Variants in CD5 observed in about 807,000 individuals in gnomAD.
CD5 encodes CD5 molecule, also known as T-cell surface glycoprotein CD5.
A neutral mutation model predicts 60.3 loss-of-function variants in CD5; 36 were observed. The observed-to-expected ratio is 0.60, with a 90% CI of 0.46 to 0.79. The LOEUF is 0.79. Ranked by LOEUF, CD5 falls within the 30% of genes least tolerant of loss-of-function variation. CD5 has a pLI of 0.00. For synonymous variants in CD5, 230 were observed against 257.6 expected (o/e 0.89, Z 1.03); for missense variants, 540 against 630.6 (o/e 0.86, Z 1.54).
At chr11:61,123,159 C>A in intron 7 of CD5, 127 bp downstream of exon 7, 1 of 1,063,624 alleles carries the variant, frequency 9.4e-7, no homozygotes, top group Non-Finnish European at 1.3e-6. Context: ...TGCTTCACCA[C>A]CCAGCCTTCC....
At chr11:61,099,394 ACAT>A (rs1565180545), upstream of CD5, among the ~76,000 whole-genome samples, 1 of 133,876 alleles carries the variant, frequency 7.5e-6, no homozygotes, top group Non-Finnish European at 1.6e-5. Context: ...TCACACACAC[ACAT>A]CAACATGGAA....
chr11:61,119,849 G>A lies in CD5; in HGVS notation c.805+274G>A, dbSNP rs145901634. 8.2e-4 allele frequency among the ~76,000 whole-genome samples: 125 copies of A among 152,322 alleles called. 1 individual carries two copies. The Middle Eastern group carries it at 0.01, about 12-fold the overall frequency. ...GCCACATGGGGAAGGGGAGTCGGCA[G>A]GACTTCCAGGAGGAGGCAAGGTCTC... On this transcript the variant is annotated intron_variant, in intron 5 of 10. Coordinates refer to ENST00000347785, the MANE Select transcript of CD5 (RefSeq NM_014207.4).
the CD5 span, among the ~76,000 whole-genome samples, chr11:61,095,837 G>C: frequency 6.6e-6 from 1 of 152,222 alleles, no homozygotes; most frequent in Non-Finnish European, 1.5e-5. Flanking sequence ...CTTACTGTAT[G>C]TACACTCCTT....
intron 1 of CD5, among the ~76,000 whole-genome samples, chr11:61,107,161 C>A (rs886940776): frequency 2.0e-5 from 3 of 152,088 alleles, no homozygotes; most frequent in Non-Finnish European, 4.4e-5. Context: ...GGGGAGGATT[C>A]AGCGGCTCTC....
rs1401124297 is a variant in CD5, at chr11:61,102,633, G to A, written c.55+18G>A. Reference sequence around the variant, plus strand: ...GATGCTGGGTGAGTACCCCTCCCAGGTGTCCTGCGAACACCCGGGCTCGCT... The same window carrying A: ...GATGCTGGGTGAGTACCCCTCCCAGATGTCCTGCGAACACCCGGGCTCGCT... On this transcript the variant is annotated intron_variant, in intron 1 of 10. Coordinates refer to ENST00000347785, the MANE Select transcript of CD5 (RefSeq NM_014207.4). 21 of 1,575,836 alleles carry A rather than the reference G, an allele frequency of 1.3e-5. No individual in the cohort carries two copies. In the East Asian group the frequency reaches 4.7e-4, roughly 35 times the overall value.
chr11:61,113,890 A>C (rs1288408292), intron 1 of CD5, among the ~76,000 whole-genome samples: 3 of 152,130 alleles, frequency 2.0e-5, no homozygotes, highest in African/African-American at 7.2e-5. Flanking sequence ...GGCCAGTCTC[A>C]AACTCCTGAC....
chr11:61,121,564 C>T (rs757623675), intron 5 of CD5, 47 bp from the exon 6 acceptor site: 2 of 1,389,352 alleles, frequency 1.4e-6, no homozygotes, highest in Non-Finnish European at 1.9e-6. Flanking sequence ...AGCACACAGG[C>T]TCAGGTTCAC....
At chr11:61,099,844 C>G (rs575619542), upstream of CD5, among the ~76,000 whole-genome samples, 1 of 151,346 alleles carries the variant, frequency 6.6e-6, no homozygotes, top group South Asian at 2.1e-4. Context: ...ATCACACACA[C>G]AGCACAGAGA....
chr11:61,120,222 G>A (rs1306430009), intron 5 of CD5, among the ~76,000 whole-genome samples: 3 of 152,166 alleles, frequency 2.0e-5, no homozygotes, highest in South Asian at 2.1e-4. Flanking sequence ...GAAAACTAAA[G>A]GGAAGAAACC....
chr11:61,096,818 G>A, the CD5 span, among the ~76,000 whole-genome samples: 1 of 152,214 alleles, frequency 6.6e-6, no homozygotes, highest in Non-Finnish European at 1.5e-5. Flanking sequence ...CTCCAGGACT[G>A]GTGGTCAGCC....
intron 7 of CD5, 147 bp from the exon 8 acceptor site, chr11:61,123,737 T>G: frequency 1.5e-6 from 1 of 671,106 alleles, no homozygotes; most frequent in South Asian, 1.7e-5. Flanking sequence ...TACGAGAGAC[T>G]CCAGGGGGCA....
At chr11:61,119,648 T>A in intron 5 of CD5, 73 bp downstream of exon 5, 2 of 1,077,996 alleles carry the variant, frequency 1.9e-6, no homozygotes, top group Admixed American at 4.1e-5. Context: ...TCCCAGAAGG[T>A]CAGGGAACAT....
chr11:61,118,790 G>A lies in CD5; in HGVS notation c.401-125G>A. 1 of 677,588 alleles carries A rather than the reference G, an allele frequency of 1.5e-6. No homozygotes were observed. Among genetic ancestry groups the A allele is most frequent in the Non-Finnish European group, 2.6e-6 (1 of 386,720 alleles). The allele number at this position is 677,588 out of a possible 1,614,324, so 42.0% of individuals were successfully genotyped here. A position where few individuals can be genotyped will look rare whatever the true frequency, so the allele number is the denominator to read the frequency against. On this transcript the variant is annotated intron_variant, in intron 3 of 10. Transcript: ENST00000347785. This position sits in a 1 kb window ranked among gnomAD's most constrained non-coding sequence, Gnocchi z 4.7. ...CAGGAGGCTTAGAGACAACGTGTGG[G>A]TCAAGTGGACCTGGTGTGCCAAGCG...
chr11:61,101,436 G>A (rs929478164), upstream of CD5, among the ~76,000 whole-genome samples: 7 of 140,718 alleles, frequency 5.0e-5, no homozygotes, highest in African/African-American at 1.9e-4. Flanking sequence ...CATCAACATG[G>A]AGATCACATT....
At chr11:61,098,780 T>C (rs560232941), upstream of CD5, among the ~76,000 whole-genome samples, 102 of 152,342 alleles carry the variant, frequency 6.7e-4, no homozygotes, top group African/African-American at 2.3e-3. Context: ...CCCGGCTGAA[T>C]AAACCCCTTC....
chr11:61,111,393 G>C (rs143522339), intron 1 of CD5, among the ~76,000 whole-genome samples: 1 of 152,180 alleles, frequency 6.6e-6, no homozygotes, highest in Non-Finnish European at 1.5e-5. Context: ...CTCAACTCTC[G>C]TGATGGGGCT....
intron 8 of CD5, 22 bp downstream of exon 8, chr11:61,123,959 A>G (rs201089750): frequency 2.8e-5 from 45 of 1,589,984 alleles, no homozygotes; most frequent in Non-Finnish European, 3.8e-5. Flanking sequence ...CGGAGGCAGG[A>G]GCCTCCCTCA....
At chr11:61,121,932 G>A (rs2134609707) in intron 6 of CD5, 28 bp downstream of exon 6, 2 of 1,503,226 alleles carry the variant, frequency 1.3e-6, no homozygotes, top group East Asian at 4.8e-5. Flanking sequence ...CACAGTGGGT[G>A]GAAGCAGTTA....
At chr11:61,112,577 G>A (rs1355567468) in intron 1 of CD5, among the ~76,000 whole-genome samples, 2 of 152,168 alleles carry the variant, frequency 1.3e-5, no homozygotes, top group African/African-American at 2.4e-5. Flanking sequence ...CAGGGAGGCA[G>A]TGGTTATAGT....
Sources: gnomAD v4.1 joint callset for allele counts (sites outside exome capture counted in the v4.1 genomes callset) on GRCh38, gnomAD v4.1.1 for gene constraint, Gnocchi (gnomAD v3.1) non-coding constraint, MANE v1.5 for transcripts, NCBI Gene and HGNC (gene_info 2026-07-23, HGNC 2026-07-21) for gene names.